The following SLMAP variants were observed in gnomAD, a reference collection of about 807,000 sequenced individuals.
SLMAP encodes sarcolemma associated protein, also known as sarcolemmal membrane-associated protein.
SLMAP carries 44 observed loss-of-function variants against 128.8 expected under a neutral mutation model. That is an observed-to-expected ratio of 0.34 (90% CI 0.27 to 0.44). SLMAP has a LOEUF of 0.44. SLMAP is among the 20% of genes least tolerant of loss of function. The pLI, the probability that SLMAP is intolerant of heterozygous loss-of-function variation, is 1.00. For synonymous variants in SLMAP, 327 were observed against 348.8 expected, an observed-to-expected ratio of 0.94 and a Z score of 0.70; for missense variants, 787 against 985.3, an observed-to-expected ratio of 0.80 and a Z score of 2.69.
intron 4 of SLMAP, among the ~76,000 whole-genome samples, chr3:57,846,554 A>ATTTT (rs1161889766): frequency 2.2e-5 from 3 of 136,010 alleles, no homozygotes; most frequent in Admixed American, 7.4e-5. Flanking sequence ...AAAATGGATA[A>ATTTT]TTTTTTTTTT....
In SLMAP at chr3:57,761,377, C is replaced by T. The variant is rs150062918; in HGVS notation, c.198+3528C>T. On this transcript the variant is annotated intron_variant, in intron 2 of 24. Coordinates refer to ENST00000671191, the MANE Select transcript of SLMAP (RefSeq NM_001377540.1). ...TGGTGCGATCTCAGCTCACTGCAACCTATACCTTCTGGATTCAAGAGATTC... is the reference window on the plus strand; with the variant it reads ...TGGTGCGATCTCAGCTCACTGCAACTTATACCTTCTGGATTCAAGAGATTC... Among the ~76,000 whole-genome samples, 813 of 152,148 alleles carry T rather than the reference C, an allele frequency of 5.3e-3. 3 individuals are homozygous for T. Among genetic ancestry groups the T allele is most frequent in the Middle Eastern group, 0.014 (4 of 294 alleles).
intron 22 of SLMAP, chr3:57,918,573 T>C (rs2096856832): frequency 6.6e-6 from 1 of 152,206 alleles, no homozygotes; most frequent in Non-Finnish European, 1.5e-5. Flanking sequence ...TCCTTTGTAA[T>C]GTGAAATTGC....
chr3:57,875,793 C>T (rs980270625), intron 14 of SLMAP, among the ~76,000 whole-genome samples: 2 of 152,306 alleles, frequency 1.3e-5, no homozygotes, highest in Admixed American at 1.3e-4. Context: ...TCTGGTTTGA[C>T]TTGTCAGAAG....
intron 2 of SLMAP, among the ~76,000 whole-genome samples, chr3:57,775,395 A>G (rs995346732): frequency 6.6e-6 from 1 of 151,398 alleles, no homozygotes; most frequent in African/African-American, 2.4e-5. Context: ...TGGCTGGGCC[A>G]GGCATATTGG....
chr3:57,871,406 C>A (rs914072451), intron 13 of SLMAP, among the ~76,000 whole-genome samples: 1 of 152,098 alleles, frequency 6.6e-6, no homozygotes, highest in African/African-American at 2.4e-5. Flanking sequence ...TTTTCTTGAG[C>A]TCTTTGGATA....
At chr3:57,885,246 A>G (rs547073110) in intron 14 of SLMAP, among the ~76,000 whole-genome samples, 13 of 135,718 alleles carry the variant, frequency 9.6e-5, no homozygotes, top group Middle Eastern at 4.7e-3. Flanking sequence ...CTAAATTTGT[A>G]TTTTTAGTAG....
At chr3:57,804,705 A>G (rs1168909811) in intron 2 of SLMAP, among the ~76,000 whole-genome samples, 1 of 152,166 alleles carries the variant, frequency 6.6e-6, no homozygotes, top group Non-Finnish European at 1.5e-5. Context: ...TGATCATGTC[A>G]CTACTTTCCA....
At chr3:57,770,441 G>T (rs542176203) in intron 2 of SLMAP, among the ~76,000 whole-genome samples, 1 of 152,192 alleles carries the variant, frequency 6.6e-6, no homozygotes, top group Non-Finnish European at 1.5e-5. Flanking sequence ...AGGCAGAAAA[G>T]CCTGAAAGAG....
At chr3:57,760,789 G>A (rs1016810550) in intron 2 of SLMAP, among the ~76,000 whole-genome samples, 16 of 151,642 alleles carry the variant, frequency 1.1e-4, no homozygotes, top group African/African-American at 3.1e-4. Flanking sequence ...GTGCAATGGC[G>A]CGATCTTGGC....
intron 2 of SLMAP, among the ~76,000 whole-genome samples, chr3:57,823,521 C>T (rs1336456628): frequency 6.6e-6 from 1 of 152,150 alleles, no homozygotes; most frequent in Non-Finnish European, 1.5e-5. Flanking sequence ...TTTCCAGCTT[C>T]ATCCATGTCC....
intron 14 of SLMAP, among the ~76,000 whole-genome samples, chr3:57,876,734 A>G (rs1169511597): frequency 6.6e-6 from 1 of 152,226 alleles, no homozygotes; most frequent in Non-Finnish European, 1.5e-5. Context: ...TTTCATACAT[A>G]TCCATGAACT....
At chr3:57,821,287 C>T (rs2092485371) in intron 2 of SLMAP, among the ~76,000 whole-genome samples, 1 of 152,094 alleles carries the variant, frequency 6.6e-6, no homozygotes, top group Non-Finnish European at 1.5e-5. Flanking sequence ...ATTTATTGTA[C>T]AGTGAACACA....
chr3:57,909,117 G>A lies in SLMAP; in HGVS notation c.1666G>A (p.Glu556Lys), dbSNP rs1432859405. Reference sequence around the variant, plus strand: ...AAGAAAAGCCTATCGAAATCAAGTTGAGGAATCCACTAAACAAATACAGGT... The same window carrying A: ...AAGAAAAGCCTATCGAAATCAAGTTAAGGAATCCACTAAACAAATACAGGT... ...EERKAYRNQV[E>K]ESTKQIQVLQ... The change falls in exon 19 of 25, where the codon GAG (glutamate) becomes AAG (lysine). Residue 556 changes from glutamate (E) to lysine (K), a missense_variant. Physicochemically the swap from Glu to Lys is moderately conservative, Grantham distance 56. This residue lies in a region of SLMAP where 715 missense variants were observed against 843.6 expected (regional missense o/e 0.85). Transcript: ENST00000671191. 1 of 1,612,090 alleles carries A rather than the reference G, an allele frequency of 6.2e-7. No individual in the cohort carries two copies. The highest frequency in any genetic ancestry group is 1.7e-5 in the Admixed American group (1 of 59,818).
chr3:57,891,039 CAG>C (rs2153650773), intron 15 of SLMAP: 1 of 152,124 alleles, frequency 6.6e-6, no homozygotes, highest in Non-Finnish European at 1.5e-5. Flanking sequence ...TTTTGGCAAA[CAG>C]GCATTGAGTT....
chr3:57,787,912 A>G (rs1402802119), intron 2 of SLMAP, among the ~76,000 whole-genome samples: 1 of 152,260 alleles, frequency 6.6e-6, no homozygotes, highest in Non-Finnish European at 1.5e-5. Context: ...ATACTAGGAA[A>G]TAATTGCCAA....
chr3:57,912,792 T>C (rs2153691806), intron 20 of SLMAP, 91 bp downstream of exon 20: 1 of 985,474 alleles, frequency 1.0e-6, no homozygotes, highest in Non-Finnish European at 1.4e-6. Flanking sequence ...GCTTTTTTTT[T>C]CTTTGTTAGC....
chr3:57,883,933 CTTTCT>C (rs1293630101), intron 14 of SLMAP, among the ~76,000 whole-genome samples: 2 of 132,148 alleles, frequency 1.5e-5, no homozygotes, highest in Non-Finnish European at 3.1e-5. Context: ...TTTTTCTTTT[CTTTCT>C]TTTTTTTTTT....
chr3:57,906,292 A>ATTTT (rs1351679528), intron 17 of SLMAP, among the ~76,000 whole-genome samples: 2 of 78,754 alleles, frequency 2.5e-5, no homozygotes, highest in Non-Finnish European at 5.1e-5. Flanking sequence ...CCAGAATCAA[A>ATTTT]TTTTTTTCTT....
chr3:57,893,622 C>T (rs377339186), intron 15 of SLMAP, among the ~76,000 whole-genome samples: 1 of 152,204 alleles, frequency 6.6e-6, no homozygotes, highest in Non-Finnish European at 1.5e-5. Flanking sequence ...TCCTATTTAC[C>T]TAATATTTTA....
Sources: allele counts gnomAD v4.1 joint callset (sites outside exome capture counted in the v4.1 genomes callset), GRCh38; gene constraint gnomAD v4.1.1; regional missense constraint gnomAD v4.1.1; transcripts MANE v1.5; gene names NCBI Gene and HGNC (gene_info 2026-07-23, HGNC 2026-07-21).